The following KLHL32 variants were observed in gnomAD, a reference collection of about 807,000 sequenced individuals.
The protein encoded by KLHL32 is kelch like family member 32, also known as kelch-like protein 32.
A neutral mutation model predicts 64.8 loss-of-function variants in KLHL32; 35 were observed. The ratio of observed to expected loss-of-function variants is 0.54; its 90% CI spans 0.41 to 0.72. The LOEUF (loss-of-function observed/expected upper bound fraction) is 0.72, where lower values mean the gene tolerates loss of function less well. KLHL32 is among the 30% of genes least tolerant of loss of function. The pLI, the probability that KLHL32 is intolerant of heterozygous loss-of-function variation, is 0.00. For synonymous variants in KLHL32, 259 were observed against 281.0 expected, an observed-to-expected ratio of 0.92 and a Z score of 0.78; for missense variants, 589 against 768.5, an observed-to-expected ratio of 0.77 and a Z score of 2.76.
chr6:97,051,932 A>G (rs1786977543), intron 4 of KLHL32, among the ~76,000 whole-genome samples: 1 of 152,202 alleles, frequency 6.6e-6, no homozygotes, highest in African/African-American at 2.4e-5. Context: ...GAAATTTTAC[A>G]CATAAAGGAT....
chr6:97,099,601 G>C (rs1314453036), intron 6 of KLHL32, among the ~76,000 whole-genome samples: 1 of 152,084 alleles, frequency 6.6e-6, no homozygotes, highest in Admixed American at 6.5e-5. Flanking sequence ...AGTCTTCTGA[G>C]ACTATCAGGC....
intron 3 of KLHL32, 93 bp from the exon 4 acceptor site, chr6:97,041,399 A>G (rs779840408): frequency 3.9e-6 from 3 of 766,380 alleles, no homozygotes; most frequent in Non-Finnish European, 6.8e-6. Flanking sequence ...ATTAATTTGT[A>G]AAACTTTTTT....
At chr6:97,089,859 T>C (rs1582990296) in intron 6 of KLHL32, among the ~76,000 whole-genome samples, 1 of 151,980 alleles carries the variant, frequency 6.6e-6, no homozygotes, top group East Asian at 1.9e-4. Flanking sequence ...GTATTCTGAG[T>C]CTGACTTTGC....
chr6:97,104,206 G>A (rs1352703677), intron 6 of KLHL32, among the ~76,000 whole-genome samples: 2 of 152,170 alleles, frequency 1.3e-5, no homozygotes. Context: ...ATTGAGCAAA[G>A]GGACAACTCA....
chr6:96,903,390 A>G, the KLHL32 span, among the ~76,000 whole-genome samples: 1 of 152,222 alleles, frequency 6.6e-6, no homozygotes, highest in South Asian at 2.1e-4. Flanking sequence ...AGGAATAGAT[A>G]CAGAATAGAA....
intron 3 of KLHL32, chr6:96,999,510 G>T: frequency 1.0e-6 from 1 of 968,332 alleles, no homozygotes; most frequent in Non-Finnish European, 1.2e-6. Context: ...CATATTTGAT[G>T]GAATTTTGAA....
intron 7 of KLHL32, among the ~76,000 whole-genome samples, chr6:97,126,700 TG>T (rs1385308307): frequency 1.3e-5 from 2 of 152,202 alleles, no homozygotes; most frequent in African/African-American, 4.8e-5. Flanking sequence ...AAATATACAC[TG>T]GCTTTTGAAG....
chr6:96,990,250 T>A (rs1489784210), intron 3 of KLHL32, among the ~76,000 whole-genome samples: 1 of 152,236 alleles, frequency 6.6e-6, no homozygotes, highest in African/African-American at 2.4e-5. Context: ...TTTGAGTACA[T>A]TCAGTTGCCT....
chr6:96,937,098 G>A (rs899276824), intron 1 of KLHL32, among the ~76,000 whole-genome samples: 1 of 151,678 alleles, frequency 6.6e-6, no homozygotes, highest in Admixed American at 6.6e-5. Flanking sequence ...TATCATTAAA[G>A]TTCACCCATT....
intron 3 of KLHL32, among the ~76,000 whole-genome samples, chr6:96,983,374 T>G (rs550790640): frequency 1.3e-3 from 199 of 152,392 alleles, no homozygotes; most frequent in African/African-American, 4.2e-3. Flanking sequence ...GGCTTTGGTA[T>G]CAGGATGATG....
At chr6:96,982,284 G>A (rs1449716794) in intron 3 of KLHL32, among the ~76,000 whole-genome samples, 1 of 152,120 alleles carries the variant, frequency 6.6e-6, no homozygotes, top group African/African-American at 2.4e-5. Flanking sequence ...TTGTTGAATT[G>A]ACCCTTTACC....
At chr6:96,981,868 T>C (rs1776354411) in intron 3 of KLHL32, among the ~76,000 whole-genome samples, 1 of 152,146 alleles carries the variant, frequency 6.6e-6, no homozygotes, top group South Asian at 2.1e-4. Flanking sequence ...TTTTGAGTGA[T>C]TTTCCTAGTA....
intron 5 of KLHL32, among the ~76,000 whole-genome samples, chr6:97,077,525 C>T (rs1383219081): frequency 6.6e-6 from 1 of 151,992 alleles, no homozygotes; most frequent in Non-Finnish European, 1.5e-5. Flanking sequence ...CAAGGAGACC[C>T]AAGATTCACT....
chr6:97,002,512 G>A (rs894748930), intron 3 of KLHL32, among the ~76,000 whole-genome samples: 1 of 152,134 alleles, frequency 6.6e-6, no homozygotes, highest in African/African-American at 2.4e-5. Flanking sequence ...TACATGTGCA[G>A]GTTTGTTATA....
chr6:96,930,225 A>G (rs1378874859), intron 1 of KLHL32, among the ~76,000 whole-genome samples: 2 of 152,228 alleles, frequency 1.3e-5, no homozygotes, highest in Non-Finnish European at 2.9e-5. Flanking sequence ...TTTATGACAC[A>G]AATTCTGATA....
At chr6:96,952,563 A>G (rs1177692673) in intron 1 of KLHL32, among the ~76,000 whole-genome samples, 1 of 152,188 alleles carries the variant, frequency 6.6e-6, no homozygotes, top group Non-Finnish European at 1.5e-5. Flanking sequence ...AAGAATCATA[A>G]TAGCTACTCC....
Position 97,139,228 on chromosome 6 carries a change from A to G in KLHL32, c.1809A>G (p.Thr603=), listed in dbSNP as rs912172705. 6.2e-7 allele frequency: 1 copy of G among 1,614,078 alleles called. No homozygotes were observed. The change falls in exon 11 of 11, where the codon ACA becomes ACG. Residue 603 remains threonine, a synonymous_variant. Coordinates refer to ENST00000369261, the MANE Select transcript of KLHL32 (RefSeq NM_052904.4). ...GCTTCCTTCCAGCTCCATATTTTAC[A>G]TGCCCTAACCTTCAAACTCTTCAAG... ...AACFLPAPYF[T]CPNLQTLQVP... is the part of the protein sequence containing the mutation.
intron 7 of KLHL32, among the ~76,000 whole-genome samples, chr6:97,117,416 T>C (rs910828469): frequency 2.0e-5 from 3 of 152,178 alleles, no homozygotes; most frequent in African/African-American, 7.2e-5. Flanking sequence ...AGAATGAATG[T>C]TTCTTTAGAG....
intron 1 of KLHL32, among the ~76,000 whole-genome samples, chr6:96,954,135 G>A (rs936510806): frequency 6.6e-6 from 1 of 151,844 alleles, no homozygotes; most frequent in Non-Finnish European, 1.5e-5. Context: ...GTACTCCCTT[G>A]TTTAGGTGGA....
Sources: allele counts gnomAD v4.1 joint callset (sites outside exome capture counted in the v4.1 genomes callset), GRCh38; gene constraint gnomAD v4.1.1; transcripts MANE v1.5; gene names NCBI Gene and HGNC (gene_info 2026-07-23, HGNC 2026-07-21).